The following PHF24 variants were observed in gnomAD, a reference collection of about 807,000 sequenced individuals.
PHF24 encodes the protein PHD finger protein 24.
A neutral mutation model predicts 42.6 loss-of-function variants in PHF24; 25 were observed. The observed-to-expected ratio is 0.59, with a 90% CI of 0.43 to 0.82. The LOEUF is 0.82. PHF24 is among the 40% of genes least tolerant of loss of function. PHF24 has a pLI of 0.00. For synonymous variants in PHF24, 185 were observed against 204.8 expected, an observed-to-expected ratio of 0.90 and a Z score of 0.83; for missense variants, 470 against 538.1, an observed-to-expected ratio of 0.87 and a Z score of 1.25.
chr9:34,732,114 G>C, the PHF24 span, among the ~76,000 whole-genome samples: 1 of 150,780 alleles, frequency 6.6e-6, no homozygotes, highest in Non-Finnish European at 1.5e-5. Context: ...CTCCCACCTC[G>C]GCCTCCTAAA....
the PHF24 span, among the ~76,000 whole-genome samples, chr9:34,759,830 T>C: frequency 6.6e-6 from 1 of 152,142 alleles, no homozygotes; most frequent in African/African-American, 2.4e-5. Flanking sequence ...TGCCTGGCCT[T>C]TGTTCCTCTG....
At chr9:34,966,427 A>C (rs1405065918) in intron 1 of PHF24, among the ~76,000 whole-genome samples, 1 of 151,984 alleles carries the variant, frequency 6.6e-6, no homozygotes, top group Non-Finnish European at 1.5e-5. Context: ...CTCTTTAAAA[A>C]TTTTTCAAAA....
chr9:34,729,436 C>T, the PHF24 span: 5 of 1,543,670 alleles, frequency 3.2e-6, no homozygotes, highest in Non-Finnish European at 4.4e-6. Flanking sequence ...ATGGTCTAAA[C>T]TTCATTAGCA....
At chr9:34,967,925 C>A (rs904970556) in intron 1 of PHF24, among the ~76,000 whole-genome samples, 3 of 152,098 alleles carry the variant, frequency 2.0e-5, no homozygotes, top group African/African-American at 7.3e-5. Flanking sequence ...GAACTAAAGC[C>A]CAAAGCAACC....
chr9:34,706,269 G>T, the PHF24 span, among the ~76,000 whole-genome samples: 1 of 152,140 alleles, frequency 6.6e-6, no homozygotes, highest in Non-Finnish European at 1.5e-5. Context: ...TATATTTAGA[G>T]GATGCAGTGA....
chr9:34,977,318 C>G, intron 6 of PHF24, 75 bp downstream of exon 6: 1 of 1,490,046 alleles, frequency 6.7e-7, no homozygotes, highest in Non-Finnish European at 9.1e-7. Flanking sequence ...CCTTCCATAC[C>G]TCCCTGCTCC....
At chr9:34,748,664 TG>T in the PHF24 span, among the ~76,000 whole-genome samples, 2 of 152,170 alleles carry the variant, frequency 1.3e-5, no homozygotes, top group African/African-American at 4.8e-5. Flanking sequence ...ATGGCTACAG[TG>T]ATCAAAAACA....
chr9:34,870,386 C>T, the PHF24 span, among the ~76,000 whole-genome samples: 1 of 152,014 alleles, frequency 6.6e-6, no homozygotes, highest in East Asian at 1.9e-4. Flanking sequence ...AGTTTCACTG[C>T]CCAGAAAAAA....
At chr9:34,682,412 C>T in the PHF24 span, among the ~76,000 whole-genome samples, 1 of 152,054 alleles carries the variant, frequency 6.6e-6, no homozygotes, top group Non-Finnish European at 1.5e-5. Flanking sequence ...GTGGTAATTT[C>T]TAAGGCTCTG....
the PHF24 span, among the ~76,000 whole-genome samples, chr9:34,752,380 A>T: frequency 6.6e-6 from 1 of 152,206 alleles, no homozygotes; most frequent in Non-Finnish European, 1.5e-5. Context: ...ACAGAAATTC[A>T]AAAGATCATT....
the PHF24 span, among the ~76,000 whole-genome samples, chr9:34,842,544 G>A: frequency 6.6e-6 from 1 of 152,136 alleles, no homozygotes; most frequent in African/African-American, 2.4e-5. Flanking sequence ...AAGATGTGAA[G>A]GAGCTGTTTG....
chr9:34,670,864 A>C, the PHF24 span, among the ~76,000 whole-genome samples: 1 of 152,124 alleles, frequency 6.6e-6, no homozygotes, highest in African/African-American at 2.4e-5. Context: ...TCCCTGAGGG[A>C]CAATCACAAG....
chr9:34,895,521 G>A, the PHF24 span: 52 of 398,332 alleles, frequency 1.3e-4, no homozygotes, highest in African/African-American at 7.4e-4. Flanking sequence ...GAGAAAGCTC[G>A]GGGATAAAAT....
chr9:34,976,655 T>G, exon 5 of PHF24: 1 of 1,614,218 alleles, frequency 6.2e-7, no homozygotes, highest in Non-Finnish European at 8.5e-7. Flanking sequence ...TTTGCTGCCC[T>G]GGACCCTGAA....
the PHF24 span, among the ~76,000 whole-genome samples, chr9:34,897,326 A>G: frequency 6.6e-6 from 1 of 152,232 alleles, no homozygotes; most frequent in Non-Finnish European, 1.5e-5. Context: ...CAAGATTCTT[A>G]AAAATCTAGT....
chr9:34,835,805 C>A, the PHF24 span: 27 of 1,513,070 alleles, frequency 1.8e-5, no homozygotes, highest in Non-Finnish European at 2.4e-5. Context: ...TTTATAGATG[C>A]CAGTGAAAGC....
chr9:34,728,746 C>A, the PHF24 span: 1 of 1,172,712 alleles, frequency 8.5e-7, no homozygotes, highest in South Asian at 1.3e-5. Context: ...ATTTTTCACT[C>A]GCTTTGTATA....
At chr9:34,931,245 G>A in the PHF24 span, among the ~76,000 whole-genome samples, 6 of 151,840 alleles carry the variant, frequency 4.0e-5, no homozygotes, top group South Asian at 4.2e-4. Context: ...GCATGGTGGC[G>A]GGCTCCTGTA....
chr9:34,869,648 A>C, the PHF24 span, among the ~76,000 whole-genome samples: 1 of 152,172 alleles, frequency 6.6e-6, no homozygotes, highest in Non-Finnish European at 1.5e-5. Flanking sequence ...TTGTATACAC[A>C]CACACACACA....
Sources: allele counts gnomAD v4.1 joint callset (sites outside exome capture counted in the v4.1 genomes callset), GRCh38; gene constraint gnomAD v4.1.1; transcripts MANE v1.5; gene names NCBI Gene and HGNC (gene_info 2026-07-23, HGNC 2026-07-21).